FKBP1A: variants seen among roughly 807,000 people sequenced by gnomAD.
FKBP1A encodes FKBP prolyl isomerase 1A, also known as peptidyl-prolyl cis-trans isomerase FKBP1A.
A neutral mutation model predicts 14.2 loss-of-function variants in FKBP1A; 5 were observed. The observed-to-expected ratio is 0.35, with a 90% CI of 0.18 to 0.74. The LOEUF (loss-of-function observed/expected upper bound fraction) is 0.74. Ranked by LOEUF, FKBP1A falls within the 30% of genes least tolerant of loss-of-function variation. The probability of loss-of-function intolerance (pLI) is 0.56; values close to 1 mark genes in which losing one functional copy is unlikely to be tolerated. For synonymous variants in FKBP1A, 42 were observed against 49.1 expected (o/e 0.86, Z 0.60); for missense variants, 53 against 138.8 (o/e 0.38, Z 3.10).
At chr20:1,375,435 A>G (rs2089527932) in intron 3 of FKBP1A, 56 bp downstream of exon 3, 1 of 1,324,730 alleles carries the variant, frequency 7.5e-7, no homozygotes, top group Non-Finnish European at 1.1e-6. Flanking sequence ...GCCACCTATA[A>G]AAAAATATAA....
At chr20:1,371,468 T>A (rs191687971) in intron 4 of FKBP1A, among the ~76,000 whole-genome samples, 96 of 152,320 alleles carry the variant, frequency 6.3e-4, no homozygotes, top group African/African-American at 1.9e-3. Context: ...TCCTTTCAAC[T>A]TCACAAGCAT....
chr20:1,372,040 G>C (rs1600323462), intron 4 of FKBP1A, 36 bp downstream of exon 4: 2 of 1,594,466 alleles, frequency 1.3e-6, no homozygotes, highest in Non-Finnish European at 1.7e-6. Context: ...GAGGAGCAAA[G>C]GCAGTGAAGG....
At chr20:1,373,689 C>T (rs1441318429) in intron 3 of FKBP1A, among the ~76,000 whole-genome samples, 1 of 152,140 alleles carries the variant, frequency 6.6e-6, no homozygotes, top group African/African-American at 2.4e-5. Flanking sequence ...GTGAAGTAGG[C>T]CGATAACACT....
At chr20:1,383,455 G>A (rs2089637710) in intron 2 of FKBP1A, among the ~76,000 whole-genome samples, 1 of 152,000 alleles carries the variant, frequency 6.6e-6, no homozygotes, top group Non-Finnish European at 1.5e-5. Flanking sequence ...GCCATTTACA[G>A]TTTGGAGAGG....
intron 2 of FKBP1A, among the ~76,000 whole-genome samples, chr20:1,380,739 T>A (rs2089608492): frequency 6.6e-6 from 1 of 152,152 alleles, no homozygotes; most frequent in Admixed American, 6.5e-5. Flanking sequence ...TTACCAGGCA[T>A]GCAAAGAGGC....
In FKBP1A at chr20:1,369,731, C is replaced by A. The variant is rs566192347; in HGVS notation, c.*378G>T. 20 of 249,076 alleles carry A rather than the reference C, an allele frequency of 8.0e-5. No homozygotes were observed. Among genetic ancestry groups the A allele is most frequent in the Non-Finnish European group, 1.6e-4 (19 of 122,448 alleles). The allele number at this position is 249,076 out of a possible 1,614,324, so 15.4% of individuals were successfully genotyped here. On this transcript the variant is annotated 3_prime_UTR_variant, in exon 5 of 5. Transcript: ENST00000400137. ...TAAAATATTCTTGCAAACCCCCCCC[C>A]CAACACCAATTCCTATTCTAATGTT...
intron 2 of FKBP1A, among the ~76,000 whole-genome samples, chr20:1,381,190 G>C (rs1427542911): frequency 6.6e-6 from 1 of 152,146 alleles, no homozygotes; most frequent in Non-Finnish European, 1.5e-5. Flanking sequence ...GAAAACTTTT[G>C]CAAAGTACAT....
chr20:1,377,628 C>T (rs6041827), intron 2 of FKBP1A: 17,804 of 152,300 alleles, frequency 0.12, 1,295 homozygotes, highest in African/African-American at 0.19. Context: ...CTTTAGCCCA[C>T]TTCAAGCTGC....
chr20:1,369,684 A>G lies in FKBP1A; in HGVS notation c.*425T>C, dbSNP rs1443465773. 1 of 196,760 alleles carries G rather than the reference A, an allele frequency of 5.1e-6. No individual in the cohort carries two copies. The highest frequency in any genetic ancestry group is 1.1e-5 in the Non-Finnish European group (1 of 86,964). 12.2% of individuals were successfully genotyped at this position (196,760 alleles called of 1,614,324 possible). On this transcript the variant is annotated 3_prime_UTR_variant, in exon 5 of 5. Coordinates refer to ENST00000400137, the MANE Select transcript of FKBP1A (RefSeq NM_000801.5). The stretch of plus-strand genomic sequence containing the variant: ...GAATGTTTAATATATAATAGATAAA[A>G]ATTTCATCCAAAAAATTAAAATAAA...
chr20:1,392,180 C>T (rs1401602982), intron 2 of FKBP1A, among the ~76,000 whole-genome samples: 1 of 152,250 alleles, frequency 6.6e-6, no homozygotes. Context: ...TGAGCCAGCG[C>T]TGTCACTGAG....
At chr20:1,382,440 C>G (rs1252621734) in intron 2 of FKBP1A, among the ~76,000 whole-genome samples, 1 of 152,182 alleles carries the variant, frequency 6.6e-6, no homozygotes, top group Non-Finnish European at 1.5e-5. Context: ...TCATGCCTAA[C>G]AAACTGCCTG....
chr20:1,390,848 A>C (rs2089727442), intron 2 of FKBP1A, among the ~76,000 whole-genome samples: 2 of 152,188 alleles, frequency 1.3e-5, no homozygotes, highest in South Asian at 4.1e-4. Flanking sequence ...AGGGCTTATC[A>C]AAACGAAATC....
chr20:1,378,149 T>A (rs1568588094), intron 2 of FKBP1A: 1 of 152,130 alleles, frequency 6.6e-6, no homozygotes, highest in African/African-American at 2.4e-5. Flanking sequence ...GGGAAGAAAG[T>A]TCCTGCCCTC....
At chr20:1,381,696 T>C (rs1188548823) in intron 2 of FKBP1A, among the ~76,000 whole-genome samples, 2 of 152,168 alleles carry the variant, frequency 1.3e-5, no homozygotes, top group African/African-American at 4.8e-5. Flanking sequence ...AACGGGTAAG[T>C]TGGTAAATAC....
chr20:1,383,349 A>T (rs900500770), intron 2 of FKBP1A, among the ~76,000 whole-genome samples: 2 of 70,596 alleles, frequency 2.8e-5, no homozygotes, highest in East Asian at 2.0e-4. Flanking sequence ...TTTTAAGATT[A>T]AAAAAAAAAA....
intron 2 of FKBP1A, among the ~76,000 whole-genome samples, chr20:1,383,976 G>A (rs1157510079): frequency 6.6e-6 from 1 of 152,124 alleles, no homozygotes; most frequent in East Asian, 1.9e-4. Context: ...TTAGCTGTTT[G>A]CTTTCCCTCT....
intron 3 of FKBP1A, chr20:1,373,274 C>T (rs922286914): frequency 6.6e-6 from 1 of 152,172 alleles, no homozygotes; most frequent in Non-Finnish European, 1.5e-5. Context: ...AAGTCCATCA[C>T]AGAAGGAGTG....
At chr20:1,384,572 G>A (rs976010842) in intron 2 of FKBP1A, among the ~76,000 whole-genome samples, 10 of 152,234 alleles carry the variant, frequency 6.6e-5, no homozygotes, top group African/African-American at 2.4e-4. Context: ...CAGAAGCCAT[G>A]TCACTTTTAT....
chr20:1,393,031 C>G lies in FKBP1A; in HGVS notation c.-33G>C, dbSNP rs762089121. On this transcript the variant is annotated 5_prime_UTR_variant, in exon 1 of 5. Transcript: ENST00000400137. Reference sequence around the variant, plus strand: ...GCGGACGCTGAGCGGGCGGGCGGCGCGACGGGCGGCGTGGACCAACAGCGA... The same window carrying G: ...GCGGACGCTGAGCGGGCGGGCGGCGGGACGGGCGGCGTGGACCAACAGCGA... The G allele has an allele frequency of 1.0e-5, 14 of 1,399,464 alleles. No individual in the cohort carries two copies. The South Asian group carries it at 1.6e-4, about 16-fold the overall frequency. 86.7% of individuals were successfully genotyped at this position (1,399,464 alleles called of 1,614,324 possible). A position where few individuals can be genotyped will look rare whatever the true frequency, so the allele number is the denominator to read the frequency against.
Sources: gnomAD v4.1 joint callset for allele counts (sites outside exome capture counted in the v4.1 genomes callset) on GRCh38, gnomAD v4.1.1 for gene constraint, MANE v1.5 for transcripts, NCBI Gene and HGNC (gene_info 2026-07-23, HGNC 2026-07-21) for gene names.